ATM: variants seen among roughly 807,000 people sequenced by gnomAD.
The protein encoded by ATM is serine-protein kinase ATM.
ATM carries 308 observed loss-of-function variants against 387.0 expected under a neutral mutation model. The ratio of observed to expected loss-of-function variants is 0.80; its 90% CI spans 0.73 to 0.87. The LOEUF (loss-of-function observed/expected upper bound fraction) is 0.87. ATM is among the 40% of genes least tolerant of loss of function. ATM has a pLI of 0.00. For synonymous variants in ATM, 1,156 were observed against 1,187.3 expected, an observed-to-expected ratio of 0.97 and a Z score of 0.54; for missense variants, 3,312 against 3,560.9, an observed-to-expected ratio of 0.93 and a Z score of 1.78.
intron 16 of ATM, among the ~76,000 whole-genome samples, chr11:108,265,502 A>C (rs1266064213): frequency 1.3e-5 from 2 of 152,186 alleles, no homozygotes; most frequent in African/African-American, 4.8e-5. Context: ...TTAAAGACTT[A>C]AACATTAGAC....
intron 16 of ATM, among the ~76,000 whole-genome samples, chr11:108,262,971 C>T (rs1229899250): frequency 1.3e-5 from 2 of 151,988 alleles, no homozygotes; most frequent in Middle Eastern, 3.2e-3. Context: ...CAGGAGCACC[C>T]AGATTCATAA....
At chr11:108,318,076 A>T (rs1177009178) in intron 43 of ATM, among the ~76,000 whole-genome samples, 1 of 152,214 alleles carries the variant, frequency 6.6e-6, no homozygotes, top group South Asian at 2.1e-4. Context: ...TTAAAAAATA[A>T]TACGGCCAGG....
intron 52 of ATM, 95 bp downstream of exon 52, chr11:108,332,132 C>G (rs182757480): frequency 6.7e-7 from 1 of 1,499,678 alleles, no homozygotes; most frequent in Admixed American, 1.9e-5. Flanking sequence ...AAGATGCCAT[C>G]TAAAATCGGT....
intron 35 of ATM, 52 bp from the exon 36 acceptor site, chr11:108,302,801 T>C (rs2135925560): frequency 6.6e-7 from 1 of 1,507,592 alleles, no homozygotes; most frequent in Non-Finnish European, 9.2e-7. Context: ...GTAGGAAAGG[T>C]ACAATGATTT....
rs786202089 is a variant in ATM at position 108,310,314 on chromosome 11, A to C, written c.5917A>C (p.Arg1973=). The change falls in exon 39 of 63, where the codon AGA becomes CGA. Residue 1973 remains arginine, a splice_region_variant and synonymous_variant. Transcript: ENST00000675843. ...DKKSMDDQEK[R]SLAFEEGSQS... ...GAAAAGTATGGATGATCAAGAGAAA[A>C]GGTAATGGAATTTAGAATTTTTGGT... 1.2e-6 allele frequency: 2 copies of C among 1,612,530 alleles called. No homozygotes were observed. Among genetic ancestry groups the C allele is most frequent in the Admixed American group, 3.3e-5 (2 of 60,004 alleles).
At chr11:108,297,461 T>C in intron 33 of ATM, 79 bp downstream of exon 33, 1 of 1,212,192 alleles carries the variant, frequency 8.2e-7, no homozygotes, top group Non-Finnish European at 1.2e-6. Flanking sequence ...ACTGTATTTT[T>C]ACTGTATGTT....
chr11:108,358,079 C>A (rs1003085189), intron 61 of ATM, among the ~76,000 whole-genome samples: 8 of 149,156 alleles, frequency 5.4e-5, no homozygotes, highest in Admixed American at 1.3e-4. Flanking sequence ...ACTAGAATAA[C>A]CAATACAGAG....
Position 108,343,222 on chromosome 11 carries a change from G to A in ATM, c.8269G>A (p.Val2757Met), listed in dbSNP as rs761625350. ...KRKLTICTYK[V>M]VPLSQRSGVL... ...AAAGGTATTTAATCTGTAACTCCAG[G>A]TGGTTCCCCTCTCTCAGCGAAGTGG... Residue 2757 changes from valine to methionine, a missense_variant and splice_region_variant, in exon 57 of 63, where the codon GTG becomes ATG. Val to Met is a conservative substitution (Grantham distance 21). This residue lies in a region of ATM where 1,405 missense variants were observed against 1,604.4 expected (regional missense o/e 0.88). Transcript: ENST00000675843. The A allele has an allele frequency of 1.2e-6, 2 of 1,613,760 alleles. No individual in the cohort carries two copies. Among genetic ancestry groups the A allele is most frequent in the Non-Finnish European group, 8.5e-7 (1 of 1,179,870 alleles).
intron 38 of ATM, among the ~76,000 whole-genome samples, chr11:108,309,625 A>T (rs1297029463): frequency 1.3e-5 from 2 of 152,216 alleles, no homozygotes; most frequent in Non-Finnish European, 2.9e-5. Context: ...GATACTATCT[A>T]TGGTCCCTTT....
intron 18 of ATM, among the ~76,000 whole-genome samples, chr11:108,269,268 G>A (rs761491931): frequency 1.3e-5 from 2 of 151,688 alleles, no homozygotes; most frequent in Non-Finnish European, 2.9e-5. Flanking sequence ...ATCTGGAACA[G>A]TTCTTTTTTT....
intron 33 of ATM, 141 bp downstream of exon 33, chr11:108,297,523 C>T: frequency 1.3e-6 from 1 of 751,480 alleles, no homozygotes; most frequent in Non-Finnish European, 2.3e-6. Flanking sequence ...GGTTTGTAGC[C>T]TAGGTGTGTA....
chr11:108,358,121 T>C (rs1427013443), intron 61 of ATM, among the ~76,000 whole-genome samples: 6 of 150,978 alleles, frequency 4.0e-5, no homozygotes, highest in African/African-American at 7.3e-5. Flanking sequence ...GAGCTGAAAA[T>C]CAAGGCTCGA....
intron 30 of ATM, 123 bp from the exon 31 acceptor site, chr11:108,293,190 C>T (rs777487911): frequency 1.0e-4 from 70 of 672,136 alleles, no homozygotes; most frequent in African/African-American, 1.6e-4. Flanking sequence ...GTATCTTAGA[C>T]GTAATTAGAA....
chr11:108,244,292 T>C (rs1450257067), intron 6 of ATM, among the ~76,000 whole-genome samples, 174 bp downstream of exon 6: 1 of 152,208 alleles, frequency 6.6e-6, no homozygotes, highest in Non-Finnish European at 1.5e-5. Context: ...GAATATCCAA[T>C]ATGCAGAACA....
chr11:108,275,588 C>G (rs747990164), intron 22 of ATM, among the ~76,000 whole-genome samples: 1 of 152,136 alleles, frequency 6.6e-6, no homozygotes, highest in Non-Finnish European at 1.5e-5. Flanking sequence ...ATTTGCTTGT[C>G]TATAAAGGAT....
At chr11:108,270,132 C>T (rs551550207) in intron 18 of ATM, among the ~76,000 whole-genome samples, 37 of 152,112 alleles carry the variant, frequency 2.4e-4, no homozygotes, top group Non-Finnish European at 3.8e-4. Context: ...TGGTAGTTCT[C>T]GGAAACTGGC....
In ATM at chr11:108,287,503, G is replaced by A. The variant is rs4988000; in HGVS notation, c.3994-97G>A. On this transcript the variant is annotated intron_variant, in intron 26 of 62. Transcript: ENST00000675843. ...TCATCTATTTTCTTTTACAGTCATC[G>A]AATACTTTTGGAAATAAGGTAATAT... 7.9e-3 allele frequency: 5,813 copies of A among 734,110 alleles called. 263 individuals carry two copies. The African/African-American group carries it at 0.09, about 11-fold the overall frequency. 45.5% of individuals were successfully genotyped at this position (734,110 alleles called of 1,614,324 possible).
intron 44 of ATM, among the ~76,000 whole-genome samples, 195 bp downstream of exon 44, chr11:108,320,253 C>T (rs927446160): frequency 1.3e-5 from 2 of 152,178 alleles, no homozygotes; most frequent in African/African-American, 4.8e-5. Context: ...CAGGTTCATT[C>T]TTTACCCTGA....
intron 59 of ATM, 114 bp from the exon 60 acceptor site, chr11:108,353,652 T>C: frequency 1.2e-6 from 1 of 829,270 alleles, no homozygotes; most frequent in Non-Finnish European, 2.1e-6. Flanking sequence ...CATACTAGTG[T>C]TCATAGAACG....
Sources: allele counts gnomAD v4.1 joint callset (sites outside exome capture counted in the v4.1 genomes callset), GRCh38; gene constraint gnomAD v4.1.1; regional missense constraint gnomAD v4.1.1; transcripts MANE v1.5; gene names NCBI Gene and HGNC (gene_info 2026-07-23, HGNC 2026-07-21).